Variants in SDK1 observed in about 807,000 individuals in gnomAD.
SDK1 encodes sidekick cell adhesion molecule 1.
In SDK1, 157 loss-of-function variants were observed where a neutral mutation model predicts 245.5. The observed-to-expected ratio is 0.64, with a 90% CI of 0.56 to 0.73. The LOEUF is 0.73. Among genes scored for constraint, SDK1 ranks in the 30% least tolerant of loss-of-function variants. SDK1 has a pLI of 0.00. For missense variants in SDK1, 3,583 were observed against 3,002.3 expected, an observed-to-expected ratio of 1.19 and a Z score of -4.52; for synonymous variants, 1,647 against 1,278.5, an observed-to-expected ratio of 1.29 and a Z score of -6.15.
intron 10 of SDK1, among the ~76,000 whole-genome samples, chr7:3,968,256 G>A (rs1412140515): frequency 6.6e-6 from 1 of 152,174 alleles, no homozygotes; most frequent in African/African-American, 2.4e-5. Context: ...TCAGTTCCTG[G>A]GAAGGCTGCC....
chr7:3,595,162 G>A (rs1182803160), intron 1 of SDK1, among the ~76,000 whole-genome samples: 1 of 151,978 alleles, frequency 6.6e-6, no homozygotes, highest in Non-Finnish European at 1.5e-5. Flanking sequence ...CCTGAATAAT[G>A]TGAGCTTTTT....
intron 7 of SDK1, among the ~76,000 whole-genome samples, chr7:3,953,349 C>A (rs111949053): frequency 6.6e-6 from 1 of 152,160 alleles, no homozygotes; most frequent in African/African-American, 2.4e-5. Flanking sequence ...CTGAAAGAAG[C>A]GAAAGTCTGT....
chr7:3,587,939 G>A (rs1780744229), intron 1 of SDK1, among the ~76,000 whole-genome samples: 1 of 152,198 alleles, frequency 6.6e-6, no homozygotes, highest in Non-Finnish European at 1.5e-5. Flanking sequence ...TGTGTTGGAT[G>A]GTTCATTGAT....
chr7:3,507,525 A>T (rs2128610321), intron 1 of SDK1, among the ~76,000 whole-genome samples: 1 of 152,266 alleles, frequency 6.6e-6, no homozygotes, highest in South Asian at 2.1e-4. Context: ...TGCAGGAAGG[A>T]CTGATCTAGT....
chr7:3,972,701 C>A (rs1172917160), intron 12 of SDK1, among the ~76,000 whole-genome samples: 7 of 152,200 alleles, frequency 4.6e-5, no homozygotes, highest in Admixed American at 4.6e-4. Flanking sequence ...GCAGAGGGGA[C>A]AGCTGTGGGT....
intron 19 of SDK1, among the ~76,000 whole-genome samples, chr7:4,057,411 A>T (rs956389224): frequency 1.3e-4 from 19 of 151,708 alleles, no homozygotes; most frequent in Non-Finnish European, 2.6e-4. Context: ...ATTCCTACAC[A>T]CCACCCCTGG....
chr7:4,020,343 G>T (rs1469876190), intron 17 of SDK1, among the ~76,000 whole-genome samples: 1 of 152,098 alleles, frequency 6.6e-6, no homozygotes, highest in African/African-American at 2.4e-5. Context: ...GTAGTCAAAT[G>T]CACTTATCCC....
Position 4,193,211 on chromosome 7 carries a change from T to TATATAGTATATTA in SDK1, c.5099-12663_5099-12662insGTATATTAATATA, listed in dbSNP as rs1554257006. ...ATATATTAATATATTTATATATTAA[T>TATATAGTATATTA]ATATATATTGTATATTAATTGTATA... is the stretch of plus-strand genomic sequence containing the variant. On this transcript the variant is annotated intron_variant, in intron 35 of 44. Coordinates refer to ENST00000404826, the MANE Select transcript of SDK1 (RefSeq NM_152744.4). Among the ~76,000 whole-genome samples, 5 of 119,040 alleles carry TATATAGTATATTA rather than the reference T, an allele frequency of 4.2e-5. 1 individual carries two copies. Among genetic ancestry groups the TATATAGTATATTA allele is most frequent in the African/African-American group, 1.7e-4 (5 of 30,276 alleles). The allele number at this position is 119,040 out of a possible 152,430, so 78.1% of individuals were successfully genotyped here.
chr7:3,741,484 T>A (rs1480939704), intron 4 of SDK1, among the ~76,000 whole-genome samples: 1 of 152,222 alleles, frequency 6.6e-6, no homozygotes, highest in Admixed American at 6.5e-5. Flanking sequence ...ATTAAAACAA[T>A]TGATTTTTAA....
At chr7:3,945,903 A>G (rs1398350592) in intron 5 of SDK1, among the ~76,000 whole-genome samples, 8 of 118,872 alleles carry the variant, frequency 6.7e-5, no homozygotes, top group African/African-American at 3.1e-4. Flanking sequence ...TGTCTGTAAA[A>G]AAAAAAAAAA....
chr7:3,729,903 A>G (rs1161268273), intron 4 of SDK1, among the ~76,000 whole-genome samples: 1 of 151,872 alleles, frequency 6.6e-6, no homozygotes, highest in Non-Finnish European at 1.5e-5. Flanking sequence ...GCTAACATAC[A>G]TGCTATCTCG....
intron 14 of SDK1, among the ~76,000 whole-genome samples, chr7:3,988,394 C>G (rs1417294978): frequency 6.6e-6 from 1 of 152,064 alleles, no homozygotes; most frequent in Non-Finnish European, 1.5e-5. Flanking sequence ...CCAGCCGGCC[C>G]TGTTTCCTCA....
rs113051498 is a variant in SDK1, at chr7:4,051,850, T to G, written c.2911+20T>G. Reference sequence around the variant, plus strand: ...AAGACAGTGAGTATTCCTTTCTGCGTGTCTCTTAAGTCACTTGTCAAAGAG... The same window carrying G: ...AAGACAGTGAGTATTCCTTTCTGCGGGTCTCTTAAGTCACTTGTCAAAGAG... On this transcript the variant is annotated intron_variant, in intron 19 of 44. Coordinates refer to ENST00000404826, the MANE Select transcript of SDK1 (RefSeq NM_152744.4). 1.8e-5 allele frequency: 28 copies of G among 1,597,330 alleles called. No individual in the cohort carries two copies. Among genetic ancestry groups the G allele is most frequent in the Middle Eastern group, 1.7e-4 (1 of 6,006 alleles).
intron 35 of SDK1, among the ~76,000 whole-genome samples, chr7:4,186,245 C>A (rs1782887058): frequency 6.6e-6 from 1 of 152,198 alleles, no homozygotes; most frequent in Admixed American, 6.5e-5. Context: ...TCAAGTTCTA[C>A]CCACTTTGCC....
chr7:3,978,381 A>G (rs1017089248), intron 13 of SDK1, among the ~76,000 whole-genome samples: 5 of 152,170 alleles, frequency 3.3e-5, no homozygotes, highest in Admixed American at 6.5e-5. Context: ...TTTTCAGCAA[A>G]TGTTGCTGTA....
intron 41 of SDK1, among the ~76,000 whole-genome samples, chr7:4,236,351 C>A (rs1786168025): frequency 6.6e-6 from 1 of 152,210 alleles, no homozygotes; most frequent in Admixed American, 6.5e-5. Context: ...TCTGAGCGAG[C>A]AGAACGAGAC....
At chr7:3,697,382 A>T (rs567376127) in intron 4 of SDK1, among the ~76,000 whole-genome samples, 1 of 152,208 alleles carries the variant, frequency 6.6e-6, no homozygotes, top group Non-Finnish European at 1.5e-5. Context: ...CTTCTCAGCA[A>T]TTAGGTCTCA....
intron 1 of SDK1, among the ~76,000 whole-genome samples, chr7:3,510,327 G>T (rs1305690829): frequency 6.6e-6 from 1 of 152,196 alleles, no homozygotes; most frequent in African/African-American, 2.4e-5. Flanking sequence ...GACTTGCACA[G>T]ACGTTCTGCT....
intron 1 of SDK1, among the ~76,000 whole-genome samples, chr7:3,530,061 C>A (rs933522256): frequency 1.3e-5 from 2 of 152,136 alleles, no homozygotes; most frequent in African/African-American, 4.8e-5. Flanking sequence ...GATCAAAGAA[C>A]AAGAAATTTT....
Sources: allele counts gnomAD v4.1 joint callset (sites outside exome capture counted in the v4.1 genomes callset), GRCh38; gene constraint gnomAD v4.1.1; transcripts MANE v1.5; gene names NCBI Gene and HGNC (gene_info 2026-07-23, HGNC 2026-07-21).